LRRC4C: variants seen among roughly 807,000 people sequenced by gnomAD.
The protein encoded by LRRC4C is leucine rich repeat containing 4C, also known as leucine-rich repeat-containing protein 4C.
A neutral mutation model predicts 33.6 loss-of-function variants in LRRC4C; 5 were observed. The ratio of observed to expected loss-of-function variants is 0.15; its 90% CI spans 0.08 to 0.31. The LOEUF (loss-of-function observed/expected upper bound fraction) is 0.31. Ranked by LOEUF, LRRC4C falls within the 10% of genes least tolerant of loss-of-function variation. The pLI is 1.00. For missense variants in LRRC4C, 560 were observed against 796.7 expected (o/e 0.70, Z 3.58); for synonymous variants, 329 against 302.0 (o/e 1.09, Z -0.93).
chr11:40,861,550 A>T (rs761020807), intron 2 of LRRC4C, among the ~76,000 whole-genome samples: 1 of 152,190 alleles, frequency 6.6e-6, no homozygotes, highest in Non-Finnish European at 1.5e-5. Flanking sequence ...AAGGAGTAAG[A>T]TCAGGAGTGT....
intron 3 of LRRC4C, among the ~76,000 whole-genome samples, chr11:40,495,747 A>T (rs1244330475): frequency 6.7e-6 from 1 of 150,308 alleles, no homozygotes; most frequent in East Asian, 1.9e-4. Context: ...CTATCCACTA[A>T]TGGAAAATAG....
intron 3 of LRRC4C, among the ~76,000 whole-genome samples, chr11:40,383,361 T>C (rs1275810106): frequency 6.6e-6 from 1 of 152,190 alleles, no homozygotes; most frequent in Non-Finnish European, 1.5e-5. Context: ...TTGAATTCCT[T>C]TGGGTATATA....
chr11:40,824,948 G>A (rs1008495027), intron 2 of LRRC4C, among the ~76,000 whole-genome samples: 5 of 151,830 alleles, frequency 3.3e-5, no homozygotes, highest in East Asian at 1.9e-4. Flanking sequence ...GCTCTTTTAC[G>A]GTGAGTTGGT....
At chr11:40,334,327 CA>C (rs76355969) in intron 3 of LRRC4C, among the ~76,000 whole-genome samples, 1,441 of 133,024 alleles carry the variant, frequency 0.011, 18 homozygotes, top group East Asian at 0.042. Flanking sequence ...AAGATACCCA[CA>C]AAAAAAAAAA....
intron 1 of LRRC4C, among the ~76,000 whole-genome samples, chr11:41,433,240 T>C (rs1955304407): frequency 6.6e-6 from 1 of 152,136 alleles, no homozygotes; most frequent in South Asian, 2.1e-4. Flanking sequence ...TAGCTTTTGT[T>C]TTTCAGAAAA....
chr11:40,615,253 TATATATATATATACAC>T (rs763112438), intron 3 of LRRC4C, among the ~76,000 whole-genome samples: 3,036 of 93,084 alleles, frequency 0.033, 69 homozygotes, highest in South Asian at 0.061. Context: ...TATATATATA[TATATATATATATACAC>T]ACACACACAC....
chr11:40,637,360 A>AAGTATAGAATTAAAAC (rs1192084915), intron 3 of LRRC4C, among the ~76,000 whole-genome samples: 2 of 152,248 alleles, frequency 1.3e-5, no homozygotes, highest in African/African-American at 4.8e-5. Context: ...TCAAGTGACT[A>AAGTATAGAATTAAAAC]AGTATAGAAT....
chr11:41,398,884 T>G (rs11036383), intron 1 of LRRC4C, among the ~76,000 whole-genome samples: 39,441 of 151,654 alleles, frequency 0.26, 5,967 homozygotes, highest in Admixed American at 0.36. Context: ...AGGACCTTAT[T>G]GGCCTCTCTC....
At chr11:40,447,381 G>A (rs1032450820) in intron 3 of LRRC4C, among the ~76,000 whole-genome samples, 1 of 152,108 alleles carries the variant, frequency 6.6e-6, no homozygotes, top group Non-Finnish European at 1.5e-5. Flanking sequence ...AGAAATCAAG[G>A]GGTCCAGAAA....
chr11:40,311,404 G>A (rs4755543), intron 4 of LRRC4C, among the ~76,000 whole-genome samples: 148,211 of 152,290 alleles, frequency 0.97, 72,238 homozygotes, highest in Non-Finnish European at 1. Context: ...TACATGTTCA[G>A]TAAACGTGTA....
intron 1 of LRRC4C, among the ~76,000 whole-genome samples, chr11:41,255,842 A>G (rs550661207): frequency 1.3e-5 from 2 of 152,106 alleles, no homozygotes; most frequent in South Asian, 4.1e-4. Context: ...GAATGCCTTG[A>G]TTCTCTAGAT....
At chr11:41,163,330 CT>C (rs1296015221) in intron 1 of LRRC4C, among the ~76,000 whole-genome samples, 2 of 107,098 alleles carry the variant, frequency 1.9e-5, no homozygotes, top group African/African-American at 3.4e-5. Flanking sequence ...GTCACCCAGG[CT>C]GGAGTGCAGT....
chr11:40,657,348 A>G (rs1943175327), intron 2 of LRRC4C, among the ~76,000 whole-genome samples: 1 of 152,196 alleles, frequency 6.6e-6, no homozygotes, highest in Admixed American at 6.5e-5. Flanking sequence ...TTAAATGTGA[A>G]TATGTGCTAC....
chr11:40,799,802 G>A (rs370954560), intron 2 of LRRC4C, among the ~76,000 whole-genome samples: 2 of 152,060 alleles, frequency 1.3e-5, no homozygotes, highest in South Asian at 4.1e-4. Context: ...ATATGTCTTT[G>A]GGCACAATAA....
chr11:40,398,929 T>A (rs6485193), intron 3 of LRRC4C, among the ~76,000 whole-genome samples: 52,967 of 152,002 alleles, frequency 0.35, 10,469 homozygotes, highest in South Asian at 0.47. Flanking sequence ...ACCAATTCCC[T>A]TGGTGCGTTA....
At chr11:40,857,255 T>C (rs777194545) in intron 2 of LRRC4C, among the ~76,000 whole-genome samples, 2 of 152,206 alleles carry the variant, frequency 1.3e-5, no homozygotes, top group Non-Finnish European at 2.9e-5. Context: ...AGGTTTGTTA[T>C]GTAAATATGT....
intron 3 of LRRC4C, among the ~76,000 whole-genome samples, chr11:40,583,392 C>A (rs1022223141): frequency 3.3e-5 from 5 of 152,230 alleles, no homozygotes; most frequent in African/African-American, 1.2e-4. Context: ...TAACTTCACA[C>A]TGTAGCACCT....
At chr11:40,387,384 T>C (rs1181925628) in intron 3 of LRRC4C, among the ~76,000 whole-genome samples, 2 of 152,182 alleles carry the variant, frequency 1.3e-5, no homozygotes, top group African/African-American at 2.4e-5. Context: ...TTTGTCCCTT[T>C]CTTCGGGCAC....
In LRRC4C at chr11:41,039,761, C is replaced by T. The variant is rs143053069; in HGVS notation, c.-495-106038G>A. 8.0e-3 allele frequency among the ~76,000 whole-genome samples: 1,220 copies of T among 152,190 alleles called. 18 individuals are homozygous for T. The highest frequency in any genetic ancestry group is 0.028 in the African/African-American group (1,152 of 41,530). On this transcript the variant is annotated intron_variant, in intron 1 of 6. Transcript: ENST00000528697. ...CCTTTTAGAGGAGGTTATACACTCCCCAGCTTACCACAGAAACTACTTGCT... is the reference window on the plus strand; with the variant it reads ...CCTTTTAGAGGAGGTTATACACTCCTCAGCTTACCACAGAAACTACTTGCT...
Sources: allele counts gnomAD v4.1 joint callset (sites outside exome capture counted in the v4.1 genomes callset), GRCh38; gene constraint gnomAD v4.1.1; transcripts MANE v1.5; gene names NCBI Gene and HGNC (gene_info 2026-07-23, HGNC 2026-07-21).